SETD2: variants seen among roughly 807,000 people sequenced by gnomAD.
SETD2 encodes histone-lysine N-methyltransferase SETD2.
A neutral mutation model predicts 242.1 loss-of-function variants in SETD2; 31 were observed. The ratio of observed to expected loss-of-function variants is 0.13; its 90% CI spans 0.10 to 0.17. SETD2 has a LOEUF of 0.17. SETD2 is among the 10% of genes least tolerant of loss of function. SETD2 has a pLI of 1.00. For synonymous variants in SETD2, 1,006 were observed against 1,066.5 expected, an observed-to-expected ratio of 0.94 and a Z score of 1.11; for missense variants, 2,481 against 3,046.3, an observed-to-expected ratio of 0.81 and a Z score of 4.37.
intron 9 of SETD2, among the ~76,000 whole-genome samples, chr3:47,090,651 A>C (rs1233002902): frequency 6.6e-6 from 1 of 152,110 alleles, no homozygotes; most frequent in Non-Finnish European, 1.5e-5. Flanking sequence ...CAGCCTCCCA[A>C]AGTGCTAGGA....
intron 9 of SETD2, among the ~76,000 whole-genome samples, chr3:47,088,562 ATGGGAGACCAT>A (rs1237889313): frequency 6.6e-6 from 1 of 152,174 alleles, no homozygotes; most frequent in Admixed American, 6.5e-5. Context: ...ACCTGCCCTT[ATGGGAGACCAT>A]GAACAAATTA....
intron 13 of SETD2, among the ~76,000 whole-genome samples, chr3:47,063,167 G>T (rs2040413318): frequency 6.6e-6 from 1 of 152,048 alleles, no homozygotes; most frequent in Non-Finnish European, 1.5e-5. Flanking sequence ...TGTAGATTTG[G>T]TTGACAAAAA....
intron 6 of SETD2, 71 bp downstream of exon 6, chr3:47,105,922 AAAAT>A: frequency 1.4e-6 from 2 of 1,470,420 alleles, no homozygotes; most frequent in Non-Finnish European, 1.8e-6. Context: ...AAAAAAAAAA[AAAAT>A]CAAATCAGTA....
chr3:47,095,519 AAACAAGAGTT>A (rs2041972985), intron 9 of SETD2, among the ~76,000 whole-genome samples: 2 of 152,196 alleles, frequency 1.3e-5, no homozygotes, highest in Admixed American at 1.3e-4. Flanking sequence ...GAATTATATG[AAACAAGAGTT>A]AACAACAAAA....
intron 18 of SETD2, among the ~76,000 whole-genome samples, chr3:47,031,990 C>T (rs894248389): frequency 2.0e-5 from 3 of 152,160 alleles, no homozygotes; most frequent in Non-Finnish European, 4.4e-5. Context: ...TTAAACATCT[C>T]GCTTAGAATA....
rs2038020314 is a variant in SETD2, at chr3:47,017,267, C to T, written c.7534-13G>A. 6.2e-7 allele frequency: 1 copy of T among 1,613,424 alleles called. No homozygotes were observed. The highest frequency in any genetic ancestry group is 1.1e-5 in the South Asian group (1 of 91,054). On this transcript the variant is annotated splice_polypyrimidine_tract_variant and intron_variant, in intron 20 of 20. Transcript: ENST00000409792. The surrounding 1 kb of genome is among the most constrained non-coding windows in gnomAD (Gnocchi z 4.8). Reference sequence around the variant, plus strand: ...CACCGTGAGTCAGCTGTCCAGGGCACAGGAAGAGAGACCACAGCCACCAAT... The same window carrying T: ...CACCGTGAGTCAGCTGTCCAGGGCATAGGAAGAGAGACCACAGCCACCAAT...
intron 13 of SETD2, among the ~76,000 whole-genome samples, chr3:47,066,492 A>G (rs2040560595): frequency 6.6e-6 from 1 of 152,106 alleles, no homozygotes; most frequent in Non-Finnish European, 1.5e-5. Context: ...GATTATAGGC[A>G]CACACCACCA....
chr3:47,026,625 T>TA (rs146248571), intron 18 of SETD2, among the ~76,000 whole-genome samples: 53,041 of 151,876 alleles, frequency 0.35, 9,730 homozygotes, highest in Middle Eastern at 0.49. Flanking sequence ...TATGCAGCCA[T>TA]AAAAAAGGAT....
chr3:47,038,008 G>T (rs893740899), intron 17 of SETD2, among the ~76,000 whole-genome samples: 1 of 152,140 alleles, frequency 6.6e-6, no homozygotes, highest in Non-Finnish European at 1.5e-5. Flanking sequence ...TGGCAACACT[G>T]ACTGGGTGTC....
intron 1 of SETD2, among the ~76,000 whole-genome samples, chr3:47,129,790 C>A (rs2043434539): frequency 6.6e-6 from 1 of 151,368 alleles, no homozygotes; most frequent in South Asian, 2.1e-4. Flanking sequence ...GAGGCTGAGG[C>A]AGGAGAATCG....
intron 14 of SETD2, among the ~76,000 whole-genome samples, chr3:47,060,123 C>T (rs1559676325): frequency 1.3e-5 from 2 of 152,150 alleles, no homozygotes; most frequent in African/African-American, 4.8e-5. Flanking sequence ...GGCATCGTGG[C>T]ACTTCCTTGT....
At chr3:47,036,759 C>A (rs185181538) in intron 18 of SETD2, among the ~76,000 whole-genome samples, 4 of 151,634 alleles carry the variant, frequency 2.6e-5, no homozygotes, top group African/African-American at 9.7e-5. Context: ...AAAAATTAGC[C>A]GGGCGTGGAG....
chr3:47,133,853 G>A (rs1024744729), intron 1 of SETD2, among the ~76,000 whole-genome samples: 1 of 152,134 alleles, frequency 6.6e-6, no homozygotes, highest in Non-Finnish European at 1.5e-5. Flanking sequence ...ATAAAAACTA[G>A]ACTCTGGAGT....
At position 47,039,941 on chromosome 3, in the gene SETD2, C is replaced by G. The variant is rs142640661; in HGVS notation, c.7239-2164G>C. ...ACACGTGGTTTTTAAAATCATTACA[C>G]ATTCAATTAGCAACATAATGAGGAC... On this transcript the variant is annotated intron_variant, in intron 17 of 20. Transcript: ENST00000409792. Among the ~76,000 whole-genome samples the G allele has an allele frequency of 9.3e-5, 14 of 150,958 alleles. No individual in the cohort carries two copies. In the East Asian group the frequency reaches 2.3e-3, roughly 25 times the overall value.
intron 1 of SETD2, among the ~76,000 whole-genome samples, chr3:47,157,005 C>T (rs1419997796): frequency 6.6e-6 from 1 of 152,008 alleles, no homozygotes; most frequent in African/African-American, 2.4e-5. Context: ...CAGTGGCTCA[C>T]GACTATAATC....
At chr3:47,034,728 C>T (rs146478356) in intron 18 of SETD2, among the ~76,000 whole-genome samples, 36 of 152,312 alleles carry the variant, frequency 2.4e-4, no homozygotes, top group African/African-American at 8.2e-4. Context: ...TACCACTTAA[C>T]ATATAATACC....
intron 15 of SETD2, among the ~76,000 whole-genome samples, chr3:47,049,336 TA>T: frequency 8.1e-6 from 1 of 124,096 alleles, no homozygotes; most frequent in African/African-American, 3.9e-5. Context: ...TATATATATA[TA>T]TATATATATA....
rs759979231 is a variant in SETD2, at chr3:47,057,005, G to A, written c.6779C>T (p.Pro2260Leu). The A allele has an allele frequency of 1.3e-5, 21 of 1,614,246 alleles. No individual in the cohort carries two copies. The highest frequency in any genetic ancestry group is 3.3e-5 in the Admixed American group (2 of 60,030). ...QDSSVAVLPV[P>L]APGPVQGQNY... ...CTGTCCCTGAACTGGGCCGGGGGCC[G>A]GCACTGGCAAGACAGCAACGCTGGA... Residue 2260 changes from proline (P) to leucine (L), a missense_variant, in exon 15 of 21, where the codon CCG becomes CTG. Physicochemically the swap from Pro to Leu is moderately conservative, Grantham distance 98. Around this residue, in one of 17 missense-constraint regions of SETD2, gnomAD observed 235 missense variants for 293.9 expected, o/e 0.80. Transcript: ENST00000409792.
chr3:47,058,456 AAAAAAAAAC>A (rs1340890996), intron 14 of SETD2, among the ~76,000 whole-genome samples: 23 of 148,768 alleles, frequency 1.5e-4, no homozygotes, highest in African/African-American at 5.3e-4. Flanking sequence ...AAAAAAAAAA[AAAAAAAAAC>A]ACAAAGAGGG....
Sources: gnomAD v4.1 joint callset for allele counts (sites outside exome capture counted in the v4.1 genomes callset) on GRCh38, gnomAD v4.1.1 for gene constraint, gnomAD v4.1.1 regional missense constraint, Gnocchi (gnomAD v3.1) non-coding constraint, MANE v1.5 for transcripts, NCBI Gene and HGNC (gene_info 2026-07-23, HGNC 2026-07-21) for gene names.